TNRC6A: variants seen among roughly 807,000 people sequenced by gnomAD.
TNRC6A encodes trinucleotide repeat-containing gene 6A protein.
In TNRC6A, 44 loss-of-function variants were observed where a neutral mutation model predicts 221.2. The observed-to-expected ratio is 0.20, with a 90% CI of 0.16 to 0.26. The LOEUF (loss-of-function observed/expected upper bound fraction) is 0.26. Among genes scored for constraint, TNRC6A ranks in the 10% least tolerant of loss-of-function variants. The probability of loss-of-function intolerance (pLI) is 1.00; values close to 1 mark genes in which losing one functional copy is unlikely to be tolerated. For missense variants in TNRC6A, 2,199 were observed against 2,404.4 expected (o/e 0.91, Z 1.79); for synonymous variants, 847 against 838.5 (o/e 1.01, Z -0.18).
At position 24,729,824 on chromosome 16, in the gene TNRC6A, C is replaced by T. The variant is rs1360707096; in HGVS notation, c.-18C>T. 25 of 1,405,402 alleles carry T rather than the reference C, an allele frequency of 1.8e-5. No homozygotes were observed. Among genetic ancestry groups the T allele is most frequent in the Admixed American group, 1.1e-4 (4 of 36,916 alleles). 87.1% of individuals were successfully genotyped at this position (1,405,402 alleles called of 1,614,324 possible). ...AGCCTCCTTCGCCGCGCCCCACTTG[C>T]TCGTGCACTTTACACACATGAGGTG... On this transcript the variant is annotated 5_prime_UTR_variant, in exon 1 of 25. Coordinates refer to ENST00000395799, the MANE Select transcript of TNRC6A (RefSeq NM_014494.4).
At chr16:24,735,353 TCC>T (rs1474171039) in intron 2 of TNRC6A, among the ~76,000 whole-genome samples, 1 of 152,014 alleles carries the variant, frequency 6.6e-6, no homozygotes, top group African/African-American at 2.4e-5. Context: ...CTAAGGTGGA[TCC>T]CACTCATGCA....
intron 2 of TNRC6A, among the ~76,000 whole-genome samples, chr16:24,670,414 C>T (rs2055271729): frequency 6.6e-6 from 1 of 152,148 alleles, no homozygotes; most frequent in Non-Finnish European, 1.5e-5. Context: ...ACCCTTCCCG[C>T]AAGGGTCTCC....
intron 18 of TNRC6A, among the ~76,000 whole-genome samples, chr16:24,810,463 A>G (rs1284991428): frequency 6.6e-6 from 1 of 152,204 alleles, no homozygotes; most frequent in Admixed American, 6.5e-5. Flanking sequence ...AGGTAATATC[A>G]AAGTTAATAT....
chr16:24,638,567 G>A (rs1257675103), intron 1 of TNRC6A, among the ~76,000 whole-genome samples: 1 of 152,120 alleles, frequency 6.6e-6, no homozygotes, highest in Non-Finnish European at 1.5e-5. Context: ...ACAAAAAGTA[G>A]CTGGGTGTGG....
intron 2 of TNRC6A, among the ~76,000 whole-genome samples, chr16:24,682,024 A>C (rs2055541860): frequency 6.6e-6 from 1 of 152,172 alleles, no homozygotes; most frequent in Non-Finnish European, 1.5e-5. Context: ...AGTATCATTC[A>C]TCTCTGATGT....
In TNRC6A at chr16:24,777,022, G is replaced by T; in HGVS notation, c.253G>T (p.Ala85Ser). The change falls in exon 5 of 25, where the codon GCC becomes TCC. Residue 85 changes from alanine to serine, a missense_variant. Ala to Ser is a moderately conservative substitution (Grantham distance 99, BLOSUM62 1). Coordinates refer to ENST00000395799, the MANE Select transcript of TNRC6A (RefSeq NM_014494.4). Reference sequence around the variant, plus strand: ...CACAGCAACCAGCACTAATAATAATGCCAAGCGAGCTACAGCCAACAATCA... The same window carrying T: ...CACAGCAACCAGCACTAATAATAATTCCAAGCGAGCTACAGCCAACAATCA... ...TSTATSTNNN[A>S]KRATANNQQP... The T allele has an allele frequency of 2.5e-6, 4 of 1,613,954 alleles. No individual in the cohort carries two copies. The highest frequency in any genetic ancestry group is 3.4e-6 in the Non-Finnish European group (4 of 1,180,024).
chr16:24,633,430 T>G (rs981102328), intron 1 of TNRC6A, among the ~76,000 whole-genome samples: 1 of 152,206 alleles, frequency 6.6e-6, no homozygotes, highest in Non-Finnish European at 1.5e-5. Flanking sequence ...AGTCTCACTC[T>G]GTTGCCCAGG....
intron 12 of TNRC6A, 85 bp downstream of exon 12, chr16:24,804,404 A>C (rs967241505): frequency 2.8e-6 from 4 of 1,450,930 alleles, no homozygotes; most frequent in Non-Finnish European, 3.7e-6. Flanking sequence ...AAAACCTTTT[A>C]TATAATATAA....
At chr16:24,709,425 C>T (rs946602221) in intron 2 of TNRC6A, among the ~76,000 whole-genome samples, 10 of 152,162 alleles carry the variant, frequency 6.6e-5, no homozygotes, top group African/African-American at 2.4e-4. Context: ...TTTACATTCC[C>T]ACCAGCAGTG....
intron 2 of TNRC6A, among the ~76,000 whole-genome samples, chr16:24,730,744 C>G (rs1290788132): frequency 1.1e-3 from 1 of 924 alleles, no homozygotes; most frequent in Non-Finnish European, 4.9e-3. Context: ...CCCCCCCGCC[C>G]CCCCCCCCCC....
chr16:24,823,818 G>A lies in TNRC6A; in HGVS notation c.*11G>A. 7.2e-7 allele frequency: 1 copy of A among 1,394,832 alleles called. No individual in the cohort carries two copies. The highest frequency in any genetic ancestry group is 2.0e-5 in the South Asian group (1 of 49,636). 86.4% of individuals were successfully genotyped at this position (1,394,832 alleles called of 1,614,324 possible). ...GGAGAGTCCATGTAACAGTGTAGATGCAGACTCACCGACCGGGACCTCAGA... is the reference window on the plus strand; with the variant it reads ...GGAGAGTCCATGTAACAGTGTAGATACAGACTCACCGACCGGGACCTCAGA... On this transcript the variant is annotated 3_prime_UTR_variant, in exon 25 of 25. Coordinates refer to ENST00000395799, the MANE Select transcript of TNRC6A (RefSeq NM_014494.4). The surrounding 1 kb of genome is among the most constrained non-coding windows in gnomAD (Gnocchi z 4.3).
intron 18 of TNRC6A, among the ~76,000 whole-genome samples, chr16:24,813,007 C>T (rs1396945804): frequency 2.0e-5 from 3 of 151,154 alleles, no homozygotes; most frequent in African/African-American, 7.3e-5. Context: ...TCCCGAGCAG[C>T]TGGGATTACA....
intron 2 of TNRC6A, among the ~76,000 whole-genome samples, chr16:24,651,024 T>C (rs1378204618): frequency 7.0e-6 from 1 of 143,394 alleles, no homozygotes; most frequent in African/African-American, 2.5e-5. Flanking sequence ...TGTAGATCTA[T>C]CAAACAACGA....
At chr16:24,646,561 T>C (rs1425679864) in intron 2 of TNRC6A, among the ~76,000 whole-genome samples, 1 of 152,226 alleles carries the variant, frequency 6.6e-6, no homozygotes, top group African/African-American at 2.4e-5. Flanking sequence ...CAGTCTCTTG[T>C]TTTGAAACTC....
rs539196113 is a variant in TNRC6A at position 24,776,203 on chromosome 16, C to T, written c.164-730C>T. 37 of 927,672 alleles carry T rather than the reference C, an allele frequency of 4.0e-5. No individual in the cohort carries two copies. The South Asian group carries it at 6.0e-4, about 15-fold the overall frequency. 57.5% of individuals were successfully genotyped at this position (927,672 alleles called of 1,614,324 possible). On this transcript the variant is annotated intron_variant, in intron 4 of 24. Transcript: ENST00000395799. The stretch of plus-strand genomic sequence containing the variant: ...TACACTAGCTTAAGGCATTTCCATC[C>T]GTTTTATTTCTTTCTTTCCACTCTT...
intron 2 of TNRC6A, among the ~76,000 whole-genome samples, chr16:24,695,642 C>A (rs1181407167): frequency 6.6e-6 from 1 of 152,098 alleles, no homozygotes; most frequent in East Asian, 1.9e-4. Context: ...TCGTGATCTG[C>A]CTGCCTCGGC....
intron 2 of TNRC6A, among the ~76,000 whole-genome samples, chr16:24,738,171 T>C (rs2056812744): frequency 6.6e-6 from 1 of 152,196 alleles, no homozygotes. Flanking sequence ...AGACTCTTGT[T>C]TTTTGCTCAG....
Position 24,804,283 on chromosome 16 carries a change from A to G in TNRC6A, c.3801A>G (p.Lys1267=), listed in dbSNP as rs1359440018. 6.2e-7 allele frequency: 1 copy of G among 1,613,440 alleles called. No homozygotes were observed. Among genetic ancestry groups the G allele is most frequent in the East Asian group, 2.2e-5 (1 of 44,896 alleles). ...CTGGTTCTCGGCCTCAGATTTCCAA[A>G]GAGTCTTCCATGGAGCGCAATCCTT... ...KGPGSRPQIS[K]ESSMERNPYF... is the part of the protein sequence containing the mutation. The change falls in exon 12 of 25, where the codon AAA becomes AAG. Residue 1267 remains lysine (K), a synonymous_variant. Coordinates refer to ENST00000395799, the MANE Select transcript of TNRC6A (RefSeq NM_014494.4).
intron 4 of TNRC6A, among the ~76,000 whole-genome samples, chr16:24,768,379 G>T (rs2057519670): frequency 7.1e-6 from 1 of 140,170 alleles, no homozygotes; most frequent in Non-Finnish European, 1.5e-5. Flanking sequence ...CTTGCAGTGA[G>T]CCAAGATCGT....
Sources: gnomAD v4.1 joint callset for allele counts (sites outside exome capture counted in the v4.1 genomes callset) on GRCh38, gnomAD v4.1.1 for gene constraint, Gnocchi (gnomAD v3.1) non-coding constraint, MANE v1.5 for transcripts, NCBI Gene and HGNC (gene_info 2026-07-23, HGNC 2026-07-21) for gene names.